The following BNC2 variants were observed in gnomAD, a reference collection of about 807,000 sequenced individuals.
BNC2 encodes the protein basonuclin zinc finger protein 2.
Under a neutral mutation model 76.3 loss-of-function variants are expected in BNC2, and 20 were observed. The observed-to-expected ratio is 0.26, with a 90% confidence interval of 0.18 to 0.38. BNC2 has a LOEUF of 0.38. BNC2 is among the 10% of genes least tolerant of loss of function. BNC2 has a pLI of 1.00. For synonymous variants in BNC2, 582 were observed against 514.8 expected (o/e 1.13, Z -1.77); for missense variants, 1,382 against 1,399.8 (o/e 0.99, Z 0.20).
chr9:16,852,383 T>A (rs1819149413), intron 1 of BNC2, among the ~76,000 whole-genome samples: 1 of 152,190 alleles, frequency 6.6e-6, no homozygotes, highest in Admixed American at 6.5e-5. Context: ...TTCAGAAAAG[T>A]TCAGCAGCAG....
At chr9:16,853,629 G>T (rs1819182904) in intron 1 of BNC2, among the ~76,000 whole-genome samples, 1 of 152,102 alleles carries the variant, frequency 6.6e-6, no homozygotes, top group Non-Finnish European at 1.5e-5. Context: ...CACTTTAGGA[G>T]GCTGAGATGG....
chr9:16,647,290 T>C (rs1181213151), intron 3 of BNC2, among the ~76,000 whole-genome samples: 1 of 152,004 alleles, frequency 6.6e-6, no homozygotes, highest in Non-Finnish European at 1.5e-5. Context: ...ATAACAAGGA[T>C]TGGGGTGGAA....
At chr9:16,534,266 A>C (rs1037608845) in intron 5 of BNC2, among the ~76,000 whole-genome samples, 2 of 152,096 alleles carry the variant, frequency 1.3e-5, no homozygotes, top group Non-Finnish European at 2.9e-5. Context: ...TTTTAGTTTT[A>C]CAGTAAATAA....
At chr9:16,809,134 T>C (rs575947944) in intron 1 of BNC2, among the ~76,000 whole-genome samples, 2 of 152,308 alleles carry the variant, frequency 1.3e-5, no homozygotes, top group East Asian at 3.9e-4. Context: ...GAGGCTTAAA[T>C]GGCCTGGGTC....
intron 1 of BNC2, among the ~76,000 whole-genome samples, chr9:16,831,534 T>A (rs961655418): frequency 1.3e-5 from 2 of 152,168 alleles, no homozygotes; most frequent in African/African-American, 4.8e-5. Context: ...AAATAATGGT[T>A]TTTCAGTGAG....
intron 1 of BNC2, among the ~76,000 whole-genome samples, chr9:16,777,061 G>A (rs1259452486): frequency 6.6e-6 from 1 of 152,084 alleles, no homozygotes; most frequent in Non-Finnish European, 1.5e-5. Flanking sequence ...AGGAGGCGGA[G>A]GTTGCAGTGA....
intron 5 of BNC2, among the ~76,000 whole-genome samples, chr9:16,529,316 G>A (rs377387596): frequency 4.4e-4 from 67 of 152,136 alleles, no homozygotes; most frequent in African/African-American, 1.5e-3. Context: ...TAAACAGTAG[G>A]ATATAAGAAA....
chr9:16,811,987 G>A (rs1055913276), intron 1 of BNC2, among the ~76,000 whole-genome samples: 1 of 152,226 alleles, frequency 6.6e-6, no homozygotes, highest in South Asian at 2.1e-4. Flanking sequence ...ATCTCTGAGT[G>A]CTACTGCAGA....
At chr9:16,461,482 A>T (rs1821579274) in intron 5 of BNC2, among the ~76,000 whole-genome samples, 1 of 152,008 alleles carries the variant, frequency 6.6e-6, no homozygotes, top group African/African-American at 2.4e-5. Context: ...TAAATATTTT[A>T]TTAATCCTCT....
intron 1 of BNC2, among the ~76,000 whole-genome samples, chr9:16,814,456 G>C (rs548054047): frequency 6.6e-6 from 1 of 152,132 alleles, no homozygotes; most frequent in Non-Finnish European, 1.5e-5. Flanking sequence ...CTATTTAAAA[G>C]AAATTTTACT....
chr9:16,619,635 C>A (rs1820808391), intron 3 of BNC2, among the ~76,000 whole-genome samples: 1 of 152,104 alleles, frequency 6.6e-6, no homozygotes, highest in Non-Finnish European at 1.5e-5. Context: ...ATGTTTATAG[C>A]ACCATACCAG....
At chr9:16,731,232 G>A (rs1435896348) in intron 2 of BNC2, among the ~76,000 whole-genome samples, 3 of 152,178 alleles carry the variant, frequency 2.0e-5, no homozygotes, top group Non-Finnish European at 2.9e-5. Context: ...TTTAAAACTA[G>A]AAGGAAGAAG....
chr9:16,483,485 G>A (rs867134755), intron 5 of BNC2, among the ~76,000 whole-genome samples: 5 of 152,064 alleles, frequency 3.3e-5, no homozygotes, highest in Admixed American at 1.3e-4. Flanking sequence ...CCAAAATTTT[G>A]GTAAAACTTA....
Position 16,586,845 on chromosome 9 carries a change from T to G in BNC2, c.331-3760A>C, listed in dbSNP as rs149179056. On this transcript the variant is annotated intron_variant, in intron 3 of 6. Coordinates refer to ENST00000380672, the MANE Select transcript of BNC2 (RefSeq NM_017637.6). Reference sequence around the variant, plus strand: ...GTGAGTTTAGAGGAGAGACCCTAACTAAGAACATAAATGAAACCCTTACAC... The same window carrying G: ...GTGAGTTTAGAGGAGAGACCCTAACGAAGAACATAAATGAAACCCTTACAC... 3.9e-3 allele frequency among the ~76,000 whole-genome samples: 591 copies of G among 152,226 alleles called. 10 individuals are homozygous for G. Among genetic ancestry groups the G allele is most frequent in the South Asian group, 0.038 (184 of 4,822 alleles).
intron 1 of BNC2, among the ~76,000 whole-genome samples, chr9:16,799,793 A>G (rs1203088109): frequency 1.3e-5 from 2 of 152,326 alleles, no homozygotes; most frequent in African/African-American, 4.8e-5. Flanking sequence ...AATAATCTAT[A>G]GTGAATATAA....
intron 5 of BNC2, among the ~76,000 whole-genome samples, chr9:16,480,157 T>C (rs748659794): frequency 2.0e-5 from 3 of 152,162 alleles, no homozygotes; most frequent in East Asian, 3.8e-4. Context: ...ATAAGAAACA[T>C]GGGGCATAAA....
chr9:16,606,111 T>C (rs1318325561), intron 3 of BNC2, among the ~76,000 whole-genome samples: 2 of 152,180 alleles, frequency 1.3e-5, no homozygotes, highest in East Asian at 3.8e-4. Context: ...GCTTACAATT[T>C]CAATTATGAG....
At chr9:16,720,885 A>G (rs1179928954) in intron 3 of BNC2, among the ~76,000 whole-genome samples, 1 of 152,216 alleles carries the variant, frequency 6.6e-6, no homozygotes, top group East Asian at 1.9e-4. Flanking sequence ...CAGCATTTGA[A>G]CAGAATGACA....
chr9:16,669,216 T>A (rs957894350), intron 3 of BNC2, among the ~76,000 whole-genome samples: 1 of 152,188 alleles, frequency 6.6e-6, no homozygotes, highest in Non-Finnish European at 1.5e-5. Context: ...GCAACTGCCA[T>A]ATATTGAAAG....
Sources: gnomAD v4.1 joint callset for allele counts (sites outside exome capture counted in the v4.1 genomes callset) on GRCh38, gnomAD v4.1.1 for gene constraint, MANE v1.5 for transcripts, NCBI Gene and HGNC (gene_info 2026-07-23, HGNC 2026-07-21) for gene names.